TTLL11: variants seen among roughly 807,000 people sequenced by gnomAD.
TTLL11 encodes tubulin tyrosine ligase like 11, also known as tubulin polyglutamylase TTLL11.
A neutral mutation model predicts 51.7 loss-of-function variants in TTLL11; 42 were observed. The observed-to-expected ratio is 0.81, with a 90% CI of 0.64 to 1.05. The LOEUF (loss-of-function observed/expected upper bound fraction) is 1.05, where lower values mean the gene tolerates loss of function less well. Among genes scored for constraint, TTLL11 ranks in the 50% least tolerant of loss-of-function variants. The pLI, the probability that TTLL11 is intolerant of heterozygous loss-of-function variation, is 0.00. For synonymous variants in TTLL11, 381 were observed against 383.5 expected, an observed-to-expected ratio of 0.99 and a Z score of 0.08; for missense variants, 799 against 940.4, an observed-to-expected ratio of 0.85 and a Z score of 1.97.
In TTLL11 at chr9:121,897,640, A is replaced by ACACACACACG. The variant is rs111331446; in HGVS notation, c.1482-26893_1482-26892insCGTGTGTGTG. ...CAGGCACACACACACACACACACAC[A>ACACACACACG]CGCGCGCGCGAAGTCTCCAACTGCC... On this transcript the variant is annotated intron_variant, in intron 6 of 8. Coordinates refer to ENST00000321582, the MANE Select transcript of TTLL11 (RefSeq NM_001139442.2). Among the ~76,000 whole-genome samples the ACACACACACG allele has an allele frequency of 5.8e-3, 810 of 139,374 alleles. 13 individuals carry two copies. Among genetic ancestry groups the ACACACACACG allele is most frequent in the African/African-American group, 0.02 (764 of 37,656 alleles). 91.4% of individuals were successfully genotyped at this position (139,374 alleles called of 152,430 possible).
At chr9:122,063,697 C>A (rs1404993380) in intron 1 of TTLL11, among the ~76,000 whole-genome samples, 1 of 152,176 alleles carries the variant, frequency 6.6e-6, no homozygotes, top group African/African-American at 2.4e-5. Flanking sequence ...ATGCTTAATT[C>A]ACTGTTGCTC....
At chr9:122,054,351 T>C (rs371539958) in intron 1 of TTLL11, among the ~76,000 whole-genome samples, 2 of 152,258 alleles carry the variant, frequency 1.3e-5, no homozygotes, top group East Asian at 3.9e-4. Context: ...CAGCGTACCA[T>C]AGCAATCTCC....
At chr9:122,021,730 G>A (rs112429682) in intron 3 of TTLL11, among the ~76,000 whole-genome samples, 32 of 152,200 alleles carry the variant, frequency 2.1e-4, no homozygotes, top group African/African-American at 5.8e-4. Flanking sequence ...AAGAATATGT[G>A]CAGGAATATG....
chr9:121,849,035 T>C (rs1837594115), intron 8 of TTLL11, among the ~76,000 whole-genome samples: 1 of 152,208 alleles, frequency 6.6e-6, no homozygotes, highest in African/African-American at 2.4e-5. Flanking sequence ...AGTATGGTAT[T>C]AGTAAAAGAA....
chr9:121,875,582 A>G (rs539943248), intron 6 of TTLL11, among the ~76,000 whole-genome samples: 1 of 152,348 alleles, frequency 6.6e-6, no homozygotes, highest in East Asian at 1.9e-4. Context: ...AGCTGGAAGA[A>G]GGCACTAACG....
At chr9:121,980,198 T>A (rs1241047854) in intron 4 of TTLL11, among the ~76,000 whole-genome samples, 1 of 151,980 alleles carries the variant, frequency 6.6e-6, no homozygotes, top group Non-Finnish European at 1.5e-5. Flanking sequence ...TTTTTCATTT[T>A]TTTTCACAGC....
At chr9:122,035,275 G>A (rs1017523736) in intron 2 of TTLL11, among the ~76,000 whole-genome samples, 1 of 152,126 alleles carries the variant, frequency 6.6e-6, no homozygotes. Context: ...TTCTCAATAA[G>A]GTCTATCCCT....
At chr9:121,892,082 GTGA>G (rs1360730186) in intron 6 of TTLL11, among the ~76,000 whole-genome samples, 7 of 146,204 alleles carry the variant, frequency 4.8e-5, no homozygotes, top group South Asian at 2.1e-4. Flanking sequence ...TATATATGTA[GTGA>G]TGATAATATC....
intron 6 of TTLL11, among the ~76,000 whole-genome samples, chr9:121,895,669 G>A (rs1031317237): frequency 1.5e-5 from 1 of 66,260 alleles, no homozygotes. Flanking sequence ...GGTTGTGTGT[G>A]TTTATGTGTG....
chr9:121,826,198 ATATATATATATATATATATG>A lies in TTLL11; in HGVS notation c.1841-3339_1841-3320del, dbSNP rs1340057744. 3.5e-4 allele frequency among the ~76,000 whole-genome samples: 38 copies of A among 109,278 alleles called. 7 individuals carry two copies. Among genetic ancestry groups the A allele is most frequent in the African/African-American group, 1.2e-3 (29 of 24,556 alleles). 71.7% of individuals were successfully genotyped at this position (109,278 alleles called of 152,430 possible). On this transcript the variant is annotated intron_variant, in intron 8 of 8. Transcript: ENST00000321582. ...TAACCAGTAACCTATATATATATAT[ATATATATATATATATATATG>A]CACACATATATATATACACGCACAT...
chr9:121,909,981 C>T (rs772241248), intron 6 of TTLL11, among the ~76,000 whole-genome samples: 5 of 152,070 alleles, frequency 3.3e-5, no homozygotes, highest in Non-Finnish European at 5.9e-5. Flanking sequence ...ATGTGGATGG[C>T]GTCTAAGATG....
intron 6 of TTLL11, among the ~76,000 whole-genome samples, chr9:121,964,285 C>CT (rs143673197): frequency 0.011 from 1,597 of 150,890 alleles, 40 homozygotes; most frequent in African/African-American, 0.037. Flanking sequence ...ATTTCTTTTC[C>CT]TTTTTTTTGT....
chr9:121,964,359 G>A (rs1269364245), intron 6 of TTLL11, among the ~76,000 whole-genome samples: 1 of 151,986 alleles, frequency 6.6e-6, no homozygotes, highest in African/African-American at 2.4e-5. Context: ...GAGCAATGGT[G>A]TGATCTCAGC....
At chr9:122,027,271 C>A (rs532243531) in intron 3 of TTLL11, among the ~76,000 whole-genome samples, 1 of 152,282 alleles carries the variant, frequency 6.6e-6, no homozygotes, top group African/African-American at 2.4e-5. Context: ...TCCCACCAGG[C>A]CTCACCTCCA....
intron 6 of TTLL11, among the ~76,000 whole-genome samples, chr9:121,957,139 C>A (rs1842044585): frequency 6.6e-6 from 1 of 152,208 alleles, no homozygotes; most frequent in Non-Finnish European, 1.5e-5. Context: ...CACTCTCTCC[C>A]ACCCCAACCC....
At chr9:121,996,344 T>G (rs1343601273) in intron 3 of TTLL11, among the ~76,000 whole-genome samples, 1 of 152,208 alleles carries the variant, frequency 6.6e-6, no homozygotes, top group African/African-American at 2.4e-5. Context: ...AGAACTGGCC[T>G]GCAACCCTCT....
At chr9:121,988,272 G>C (rs1285859816) in intron 4 of TTLL11, among the ~76,000 whole-genome samples, 1 of 152,050 alleles carries the variant, frequency 6.6e-6, no homozygotes, top group Non-Finnish European at 1.5e-5. Context: ...CCTTGTCTCA[G>C]TGTGTTCTCT....
chr9:121,864,861 T>C (rs1445076724), intron 7 of TTLL11, among the ~76,000 whole-genome samples: 1 of 152,208 alleles, frequency 6.6e-6, no homozygotes, highest in Non-Finnish European at 1.5e-5. Flanking sequence ...TGACATCTCA[T>C]GGGAAATTTA....
intron 1 of TTLL11, among the ~76,000 whole-genome samples, chr9:122,067,128 C>T (rs1845607619): frequency 6.6e-6 from 1 of 152,150 alleles, no homozygotes; most frequent in South Asian, 2.1e-4. Flanking sequence ...AGTTCAAATC[C>T]TAGTTCTGCA....
Sources: allele counts gnomAD v4.1 joint callset (sites outside exome capture counted in the v4.1 genomes callset), GRCh38; gene constraint gnomAD v4.1.1; transcripts MANE v1.5; gene names NCBI Gene and HGNC (gene_info 2026-07-23, HGNC 2026-07-21).